DLG1: variants seen among roughly 807,000 people sequenced by gnomAD.
The protein encoded by DLG1 is discs large MAGUK scaffold protein 1.
In DLG1, 42 loss-of-function variants were observed where a neutral mutation model predicts 123.4. That is an observed-to-expected ratio of 0.34 (90% CI 0.27 to 0.44). The LOEUF (loss-of-function observed/expected upper bound fraction) is 0.44, where lower values mean the gene tolerates loss of function less well. Ranked by LOEUF, DLG1 falls within the 20% of genes least tolerant of loss-of-function variation. The pLI is 1.00. For synonymous variants in DLG1, 317 were observed against 356.2 expected (o/e 0.89, Z 1.24); for missense variants, 942 against 1,082.6 (o/e 0.87, Z 1.82).
At chr3:197,092,193 C>A (rs1294058517) in intron 14 of DLG1, among the ~76,000 whole-genome samples, 1 of 152,080 alleles carries the variant, frequency 6.6e-6, no homozygotes, top group Non-Finnish European at 1.5e-5. Context: ...GAATGGAGAT[C>A]ATAAAAATAT....
chr3:197,160,026 T>C (rs983085309), intron 5 of DLG1, among the ~76,000 whole-genome samples: 1 of 152,236 alleles, frequency 6.6e-6, no homozygotes, highest in African/African-American at 2.4e-5. Context: ...CTCCTGTCTA[T>C]CTTCAGTGTT....
At chr3:197,055,073 C>T (rs914139671) in intron 23 of DLG1, among the ~76,000 whole-genome samples, 1 of 152,278 alleles carries the variant, frequency 6.6e-6, no homozygotes, top group African/African-American at 2.4e-5. Flanking sequence ...CCTCGGCCTC[C>T]CAAAGTGCTG....
At chr3:197,074,581 T>C (rs189323720) in intron 18 of DLG1, among the ~76,000 whole-genome samples, 11 of 152,214 alleles carry the variant, frequency 7.2e-5, no homozygotes, top group African/African-American at 1.7e-4. Context: ...ATAAATTCTA[T>C]AGCATACATA....
At chr3:197,163,745 G>C (rs868345882) in intron 5 of DLG1, among the ~76,000 whole-genome samples, 5 of 138,488 alleles carry the variant, frequency 3.6e-5, no homozygotes, top group African/African-American at 1.4e-4. Flanking sequence ...TACCATCTTG[G>C]CCAGGCTGGT....
At chr3:197,054,523 TC>T (rs1310283670) in intron 23 of DLG1, among the ~76,000 whole-genome samples, 1 of 152,256 alleles carries the variant, frequency 6.6e-6, no homozygotes, top group African/African-American at 2.4e-5. Context: ...TCTCCCTGAA[TC>T]CCTGTAGTGA....
intron 6 of DLG1, among the ~76,000 whole-genome samples, chr3:197,148,225 C>T (rs182929048): frequency 1.3e-4 from 4 of 29,962 alleles, no homozygotes; most frequent in African/African-American, 6.8e-4. Context: ...CATGGTAAAA[C>T]CCCATCTCTA....
At chr3:197,270,539 A>G (rs1421522910) in intron 4 of DLG1, among the ~76,000 whole-genome samples, 3 of 152,206 alleles carry the variant, frequency 2.0e-5, no homozygotes, top group African/African-American at 7.2e-5. Context: ...ATGCCAACTA[A>G]TAACTACAAA....
At chr3:197,236,751 A>T (rs563998873) in intron 4 of DLG1, among the ~76,000 whole-genome samples, 1 of 152,360 alleles carries the variant, frequency 6.6e-6, no homozygotes, top group Non-Finnish European at 1.5e-5. Context: ...GACAATCTAT[A>T]ATCAGATGGG....
chr3:197,184,001 T>C (rs1714224745), intron 5 of DLG1: 2 of 1,396,984 alleles, frequency 1.4e-6, no homozygotes, highest in Non-Finnish European at 9.3e-7. Flanking sequence ...CTTCCCTCTG[T>C]ACCTGTTAGC....
intron 6 of DLG1, among the ~76,000 whole-genome samples, chr3:197,148,991 T>C (rs1025548980): frequency 2.6e-5 from 4 of 152,204 alleles, no homozygotes; most frequent in African/African-American, 9.6e-5. Context: ...TATTAATTGT[T>C]TTAATTTGCA....
intron 7 of DLG1, 138 bp downstream of exon 7, chr3:197,142,580 C>A: frequency 3.9e-6 from 2 of 512,826 alleles, no homozygotes; most frequent in Non-Finnish European, 6.5e-6. Flanking sequence ...TTTGAAAATA[C>A]CTTGGCCAAT....
At position 197,096,716 on chromosome 3, in the gene DLG1, A is replaced by G. The variant is rs972362769; in HGVS notation, c.1547-5690T>C. Among the ~76,000 whole-genome samples, 3 of 152,252 alleles carry G rather than the reference A, an allele frequency of 2.0e-5. No individual in the cohort carries two copies. The South Asian group carries it at 6.2e-4, about 32-fold the overall frequency. On this transcript the variant is annotated intron_variant, in intron 14 of 24. Transcript: ENST00000667157. Reference sequence around the variant, plus strand: ...TTCTACTAATTTTCTGAGTTCTATCAACTTATTGATGTTGTTCTTCGACAT... The same window carrying G: ...TTCTACTAATTTTCTGAGTTCTATCGACTTATTGATGTTGTTCTTCGACAT...
chr3:197,276,332 T>C (rs948123651), intron 4 of DLG1, among the ~76,000 whole-genome samples: 12 of 152,240 alleles, frequency 7.9e-5, no homozygotes, highest in Non-Finnish European at 4.4e-5. Context: ...ATCTGGAGCA[T>C]ATGCTGGATC....
At chr3:197,275,188 A>AAAG (rs1236854581) in intron 4 of DLG1, among the ~76,000 whole-genome samples, 3 of 151,160 alleles carry the variant, frequency 2.0e-5, no homozygotes, top group Non-Finnish European at 4.4e-5. Flanking sequence ...TCTGTCTCAA[A>AAAG]AAAAAAAAAA....
chr3:197,244,486 G>T (rs1169559651), intron 4 of DLG1, among the ~76,000 whole-genome samples: 1 of 152,086 alleles, frequency 6.6e-6, no homozygotes, highest in East Asian at 1.9e-4. Flanking sequence ...GTTTGTTTTA[G>T]ATCTTTTACC....
At chr3:197,091,659 G>C (rs1168347146) in intron 14 of DLG1, among the ~76,000 whole-genome samples, 3 of 151,924 alleles carry the variant, frequency 2.0e-5, no homozygotes, top group African/African-American at 7.2e-5. Flanking sequence ...ATATGATTTT[G>C]AAAATGGACA....
At chr3:197,192,758 G>A (rs1391047943) in intron 5 of DLG1, among the ~76,000 whole-genome samples, 1 of 152,054 alleles carries the variant, frequency 6.6e-6, no homozygotes. Flanking sequence ...AAGGGTGGTG[G>A]CAAACAGGGC....
intron 4 of DLG1, chr3:197,260,346 G>A (rs977774994): frequency 2.6e-6 from 1 of 383,282 alleles, no homozygotes; most frequent in Non-Finnish European, 5.1e-6. Flanking sequence ...TTGCCTAGTT[G>A]AACAAAACAT....
chr3:197,262,697 GACT>G (rs544976597), intron 4 of DLG1, among the ~76,000 whole-genome samples: 1 of 152,116 alleles, frequency 6.6e-6, no homozygotes, highest in Non-Finnish European at 1.5e-5. Context: ...TTTACGTAGA[GACT>G]ACTACTACCT....
Sources: gnomAD v4.1 joint callset for allele counts (sites outside exome capture counted in the v4.1 genomes callset) on GRCh38, gnomAD v4.1.1 for gene constraint, MANE v1.5 for transcripts, NCBI Gene and HGNC (gene_info 2026-07-23, HGNC 2026-07-21) for gene names.